Variants in FILIP1 observed in about 807,000 individuals in gnomAD.
The protein encoded by FILIP1 is filamin-A-interacting protein 1.
In FILIP1, 61 loss-of-function variants were observed where a neutral mutation model predicts 102.1. That is an observed-to-expected ratio of 0.60 (90% confidence interval 0.49 to 0.74). The LOEUF is 0.74. FILIP1 is among the 30% of genes least tolerant of loss of function. FILIP1 has a pLI of 0.00. For missense variants in FILIP1, 1,314 were observed against 1,441.2 expected, an observed-to-expected ratio of 0.91 and a Z score of 1.43; for synonymous variants, 491 against 526.9, an observed-to-expected ratio of 0.93 and a Z score of 0.93.
At chr6:75,448,618 A>T (rs1169608842) in intron 1 of FILIP1, among the ~76,000 whole-genome samples, 1 of 152,168 alleles carries the variant, frequency 6.6e-6, no homozygotes, top group East Asian at 1.9e-4. Flanking sequence ...CAAAGAACCA[A>T]TATGCAGAAT....
At chr6:75,474,955 A>G (rs560560255) in intron 1 of FILIP1, among the ~76,000 whole-genome samples, 4 of 151,930 alleles carry the variant, frequency 2.6e-5, no homozygotes, top group African/African-American at 9.7e-5. Flanking sequence ...GCCATGTGAC[A>G]TGCCTACTCC....
intron 2 of FILIP1, among the ~76,000 whole-genome samples, chr6:75,413,191 C>G (rs1158551043): frequency 2.6e-5 from 4 of 152,062 alleles, no homozygotes; most frequent in African/African-American, 4.8e-5. Flanking sequence ...TTCCCAAGAG[C>G]CTTTATGGAT....
At chr6:75,323,838 C>A (rs1380672105) in intron 4 of FILIP1, among the ~76,000 whole-genome samples, 15 of 89,774 alleles carry the variant, frequency 1.7e-4, no homozygotes, top group Admixed American at 1.6e-3. Flanking sequence ...GGGGTGGTTC[C>A]CCCCACGCTG....
intron 4 of FILIP1, chr6:75,319,953 T>G: frequency 2.4e-6 from 1 of 418,658 alleles, no homozygotes; most frequent in Non-Finnish European, 4.3e-6. Flanking sequence ...ATTTTGCCTC[T>G]CAGCTTCTTA....
At position 75,429,418 on chromosome 6, in the gene FILIP1, A is replaced by G. The variant is rs560115362; in HGVS notation, c.-6-14440T>C. On this transcript the variant is annotated intron_variant, in intron 1 of 5. Transcript: ENST00000237172. The stretch of plus-strand genomic sequence containing the variant: ...CATCTACAAGCTTGATCCAAGGTCA[A>G]TGTTACTTTCCAAGGGGAGAAGGAA... 1.3e-4 allele frequency among the ~76,000 whole-genome samples: 20 copies of G among 152,304 alleles called. No homozygotes were observed. The South Asian group carries it at 2.5e-3, about 19-fold the overall frequency.
At chr6:75,467,713 A>G (rs974527821) in intron 1 of FILIP1, among the ~76,000 whole-genome samples, 1 of 152,236 alleles carries the variant, frequency 6.6e-6, no homozygotes, top group Non-Finnish European at 1.5e-5. Context: ...AACAGTATCA[A>G]GCTTTGGAGG....
At chr6:75,429,070 T>C (rs1486409776) in intron 1 of FILIP1, among the ~76,000 whole-genome samples, 2 of 152,196 alleles carry the variant, frequency 1.3e-5, no homozygotes, top group East Asian at 3.8e-4. Context: ...GTTTGCACTA[T>C]GTTTTTTTGT....
At chr6:75,441,147 G>T (rs1009134046) in intron 1 of FILIP1, among the ~76,000 whole-genome samples, 16 of 151,748 alleles carry the variant, frequency 1.1e-4, no homozygotes, top group African/African-American at 3.9e-4. Context: ...CGGTGTTTGT[G>T]TCCCTGGGTA....
rs79073926 is a variant in FILIP1, at chr6:75,375,608, C to T, written c.277-12691G>A. Reference sequence around the variant, plus strand: ...CAGGGGCAAGAGAGGGAAAAGATAGCTTTATAAAGTCTTTGATCTTATTTT... The same window carrying T: ...CAGGGGCAAGAGAGGGAAAAGATAGTTTTATAAAGTCTTTGATCTTATTTT... On this transcript the variant is annotated intron_variant, in intron 2 of 5. Transcript: ENST00000237172. Among the ~76,000 whole-genome samples, 1,120 of 152,264 alleles carry T rather than the reference C, an allele frequency of 7.4e-3. 37 individuals carry two copies. The East Asian group carries it at 0.11, about 14-fold the overall frequency.
chr6:75,326,095 T>TAGATTAGATAGATAGA (rs1554200298), intron 4 of FILIP1, among the ~76,000 whole-genome samples: 3 of 144,830 alleles, frequency 2.1e-5, no homozygotes, highest in African/African-American at 7.7e-5. Flanking sequence ...GATAGATAGA[T>TAGATTAGATAGATAGA]TAGATAGATA....
At chr6:75,349,145 AT>A (rs1774696881) in intron 4 of FILIP1, among the ~76,000 whole-genome samples, 2 of 152,178 alleles carry the variant, frequency 1.3e-5, no homozygotes, top group Admixed American at 1.3e-4. Context: ...CTTTTACAAT[AT>A]TCAGAGCCTC....
At chr6:75,424,680 A>G (rs2149700156) in intron 1 of FILIP1, among the ~76,000 whole-genome samples, 1 of 152,316 alleles carries the variant, frequency 6.6e-6, no homozygotes, top group East Asian at 1.9e-4. Context: ...TATAGCAAAT[A>G]TTCCCAACTT....
At chr6:75,471,563 G>C (rs1779331234) in intron 1 of FILIP1, among the ~76,000 whole-genome samples, 1 of 152,128 alleles carries the variant, frequency 6.6e-6, no homozygotes. Context: ...AAATTCTACT[G>C]TTAGTATCTA....
intron 4 of FILIP1, chr6:75,319,821 C>G: frequency 2.9e-6 from 1 of 347,742 alleles, no homozygotes; most frequent in South Asian, 3.3e-5. Context: ...CAGAGCAAGA[C>G]TCCGTCCCCC....
chr6:75,477,467 G>T (rs1364259912), intron 1 of FILIP1, among the ~76,000 whole-genome samples: 1 of 151,856 alleles, frequency 6.6e-6, no homozygotes, highest in Admixed American at 6.6e-5. Flanking sequence ...ATATTAATTA[G>T]CCTGATTTAA....
intron 2 of FILIP1, among the ~76,000 whole-genome samples, chr6:75,400,681 C>T (rs191749960): frequency 6.6e-6 from 1 of 152,116 alleles, no homozygotes; most frequent in Admixed American, 6.5e-5. Flanking sequence ...AGTTTCCAGG[C>T]CCCCCAACAG....
chr6:75,445,785 A>G lies in FILIP1; in HGVS notation c.-6-30807T>C, dbSNP rs139206581. Reference sequence around the variant, plus strand: ...TGTGCTTGTTACCACTACATTAATTAACAATATATATTTTTGCACCTCTTT... The same window carrying G: ...TGTGCTTGTTACCACTACATTAATTGACAATATATATTTTTGCACCTCTTT... On this transcript the variant is annotated intron_variant, in intron 1 of 5. Coordinates refer to ENST00000237172, the MANE Select transcript of FILIP1 (RefSeq NM_015687.5). Among the ~76,000 whole-genome samples, 7 of 151,452 alleles carry G rather than the reference A, an allele frequency of 4.6e-5. No homozygotes were observed. The East Asian group carries it at 1.3e-3, about 29-fold the overall frequency.
downstream of FILIP1, among the ~76,000 whole-genome samples, chr6:75,307,328 C>T (rs1181931163): frequency 3.9e-5 from 6 of 152,160 alleles, no homozygotes; most frequent in South Asian, 1.0e-3. Context: ...AATCATACAT[C>T]TTTTTTTTAA....
chr6:75,463,128 G>T (rs1779071342), intron 1 of FILIP1, among the ~76,000 whole-genome samples: 2 of 152,198 alleles, frequency 1.3e-5, no homozygotes. Context: ...TGAGCAAAGG[G>T]CCAAAGAGTC....
Sources: gnomAD v4.1 joint callset for allele counts (sites outside exome capture counted in the v4.1 genomes callset) on GRCh38, gnomAD v4.1.1 for gene constraint, MANE v1.5 for transcripts, NCBI Gene and HGNC (gene_info 2026-07-23, HGNC 2026-07-21) for gene names.